The following TMEM87A variants were observed in gnomAD, a reference collection of about 807,000 sequenced individuals.
The protein encoded by TMEM87A is Golgi-pH regulating cation channel.
Under a neutral mutation model 90.0 loss-of-function variants are expected in TMEM87A, and 50 were observed. The observed-to-expected ratio is 0.56, with a 90% confidence interval of 0.44 to 0.70. The LOEUF is 0.70. Among genes scored for constraint, TMEM87A ranks in the 30% least tolerant of loss-of-function variants. TMEM87A has a pLI of 0.00. For missense variants in TMEM87A, 577 were observed against 660.5 expected (o/e 0.87, Z 1.39); for synonymous variants, 226 against 226.7 (o/e 1.00, Z 0.03).
intron 6 of TMEM87A, among the ~76,000 whole-genome samples, chr15:42,253,892 T>C (rs1242311119): frequency 6.6e-6 from 1 of 152,202 alleles, no homozygotes; most frequent in Non-Finnish European, 1.5e-5. Context: ...TAGCTCCATT[T>C]TATTATGTAA....
At chr15:42,237,751 C>G in intron 8 of TMEM87A, 136 bp from the exon 9 acceptor site, 2 of 704,680 alleles carry the variant, frequency 2.8e-6, no homozygotes, top group Non-Finnish European at 2.1e-6. Context: ...TGGTCTTGAA[C>G]TTCTGGACTC....
At chr15:42,243,217 G>A (rs188208417) in intron 7 of TMEM87A, among the ~76,000 whole-genome samples, 2 of 151,634 alleles carry the variant, frequency 1.3e-5, no homozygotes, top group African/African-American at 2.4e-5. Flanking sequence ...GCAGTGAGCC[G>A]AGATTACGCC....
Position 42,221,943 on chromosome 15 carries a change from T to A in TMEM87A, c.1404-1808A>T, listed in dbSNP as rs148229622. ...CCTAAAACAATTTTTTTTGTAGAAATGGGATCTTGCTATATTGCCAGGGCT... is the reference window on the plus strand; with the variant it reads ...CCTAAAACAATTTTTTTTGTAGAAAAGGGATCTTGCTATATTGCCAGGGCT... On this transcript the variant is annotated intron_variant, in intron 15 of 19. Coordinates refer to ENST00000389834, the MANE Select transcript of TMEM87A (RefSeq NM_015497.5). Among the ~76,000 whole-genome samples, 16 of 152,010 alleles carry A rather than the reference T, an allele frequency of 1.1e-4. No homozygotes were observed. The East Asian group carries it at 3.1e-3, about 30-fold the overall frequency.
At chr15:42,246,157 C>A (rs1424818042) in intron 6 of TMEM87A, among the ~76,000 whole-genome samples, 1 of 152,184 alleles carries the variant, frequency 6.6e-6, no homozygotes, top group Non-Finnish European at 1.5e-5. Context: ...GCTTCTCTCA[C>A]TTAACATAAT....
Position 42,227,753 on chromosome 15 carries a change from G to A in TMEM87A, c.1257C>T (p.Ile419=). 1 of 1,613,896 alleles carries A rather than the reference G, an allele frequency of 6.2e-7. No homozygotes were observed. Among genetic ancestry groups the A allele is most frequent in the Non-Finnish European group, 8.5e-7 (1 of 1,179,902 alleles). Reference sequence around the variant, plus strand: ...TTCTGAACTTCATGGTTGTCCAGATGATAAACACAATGGATGCTAACAGTA... The same window carrying A: ...TTCTGAACTTCATGGTTGTCCAGATAATAAACACAATGGATGCTAACAGTA... ...ILAVAASIVF[I]IWTTMKFRIV... The change falls in exon 14 of 20, where the codon ATC becomes ATT. Residue 419 remains isoleucine, a synonymous_variant. Coordinates refer to ENST00000389834, the MANE Select transcript of TMEM87A (RefSeq NM_015497.5).
At chr15:42,214,558 A>C (rs1335711540) in intron 19 of TMEM87A, among the ~76,000 whole-genome samples, 1 of 152,206 alleles carries the variant, frequency 6.6e-6, no homozygotes, top group Non-Finnish European at 1.5e-5. Context: ...GAAAAGAGAG[A>C]CAACACTACA....
At chr15:42,248,049 T>C (rs1322148987) in intron 6 of TMEM87A, among the ~76,000 whole-genome samples, 2 of 152,172 alleles carry the variant, frequency 1.3e-5, no homozygotes, top group Admixed American at 1.3e-4. Context: ...TTTGTAGCAA[T>C]TGTGAATGGG....
intron 2 of TMEM87A, 73 bp downstream of exon 2, chr15:42,271,985 TATAAA>T (rs1595755644): frequency 8.4e-7 from 1 of 1,195,496 alleles, no homozygotes; most frequent in Non-Finnish European, 1.2e-6. Context: ...TTTCAGAACT[TATAAA>T]ATAGGTAATT....
intron 4 of TMEM87A, among the ~76,000 whole-genome samples, chr15:42,263,590 C>CA (rs1360305012): frequency 2.0e-5 from 3 of 151,668 alleles, no homozygotes; most frequent in African/African-American, 4.8e-5. Flanking sequence ...ACAGAAAATA[C>CA]AAAAAAAATT....
intron 3 of TMEM87A, among the ~76,000 whole-genome samples, chr15:42,265,998 C>A (rs2051395648): frequency 2.6e-5 from 4 of 152,116 alleles, no homozygotes. Context: ...TTTTTGTCAG[C>A]TTTGTTAAAT....
At chr15:42,264,283 C>A in intron 3 of TMEM87A, 80 bp from the exon 4 acceptor site, 1 of 892,688 alleles carries the variant, frequency 1.1e-6, no homozygotes, top group South Asian at 1.5e-5. Context: ...ACAAACAGTT[C>A]ACCTGCAGTA....
chr15:42,211,814 A>T, intron 19 of TMEM87A, 65 bp from the exon 20 acceptor site: 1 of 1,408,058 alleles, frequency 7.1e-7, no homozygotes, highest in East Asian at 2.3e-5. Context: ...AATATCTTCT[A>T]TACAGACTAT....
At chr15:42,271,084 C>G (rs182816235) in intron 2 of TMEM87A, among the ~76,000 whole-genome samples, 4 of 152,258 alleles carry the variant, frequency 2.6e-5, no homozygotes, top group African/African-American at 9.6e-5. Context: ...AAGCTGCCCA[C>G]GATCAATCGT....
intron 6 of TMEM87A, chr15:42,259,116 C>T: frequency 1.6e-6 from 1 of 644,180 alleles, no homozygotes. Context: ...TTAGCAGCCA[C>T]TAGGCAAAGG....
intron 6 of TMEM87A, among the ~76,000 whole-genome samples, chr15:42,246,924 T>C (rs2050984667): frequency 6.6e-6 from 1 of 152,220 alleles, no homozygotes; most frequent in Non-Finnish European, 1.5e-5. Flanking sequence ...TGTAAAAGTG[T>C]TCCTATTTCT....
At chr15:42,254,419 A>C (rs1245132358) in intron 6 of TMEM87A, among the ~76,000 whole-genome samples, 1 of 152,276 alleles carries the variant, frequency 6.6e-6, no homozygotes, top group Non-Finnish European at 1.5e-5. Context: ...TGTTTACAAC[A>C]GTTTTATCTA....
At chr15:42,235,477 G>A (rs1051776576) in intron 10 of TMEM87A, among the ~76,000 whole-genome samples, 1 of 151,958 alleles carries the variant, frequency 6.6e-6, no homozygotes, top group South Asian at 2.1e-4. Context: ...TTCACCTAAG[G>A]TCTTCCTGAA....
intron 6 of TMEM87A, among the ~76,000 whole-genome samples, chr15:42,246,295 T>C (rs1303180518): frequency 6.6e-6 from 1 of 152,084 alleles, no homozygotes; most frequent in Non-Finnish European, 1.5e-5. Context: ...GAGACCCAAG[T>C]TTTGTTGTTT....
At chr15:42,230,483 A>C (rs558722726) in intron 12 of TMEM87A, among the ~76,000 whole-genome samples, 3 of 152,230 alleles carry the variant, frequency 2.0e-5, no homozygotes, top group Non-Finnish European at 4.4e-5. Flanking sequence ...AACAAATTCA[A>C]TAAGATAAAG....
Sources: gnomAD v4.1 joint callset for allele counts (sites outside exome capture counted in the v4.1 genomes callset) on GRCh38, gnomAD v4.1.1 for gene constraint, MANE v1.5 for transcripts, NCBI Gene and HGNC (gene_info 2026-07-23, HGNC 2026-07-21) for gene names.